The following IRX4 variants were observed in gnomAD, a reference collection of about 807,000 sequenced individuals.
IRX4 encodes iroquois-class homeodomain protein IRX-4.
Under a neutral mutation model 32.0 loss-of-function variants are expected in IRX4, and 22 were observed. That is an observed-to-expected ratio of 0.69 (90% CI 0.49 to 0.98). IRX4 has a LOEUF of 0.98. Ranked by LOEUF, IRX4 falls within the 50% of genes least tolerant of loss-of-function variation. The pLI is 0.00. For missense variants in IRX4, 840 were observed against 744.2 expected (o/e 1.13, Z -1.50); for synonymous variants, 379 against 351.7 (o/e 1.08, Z -0.87).
intron 3 of IRX4, 73 bp from the exon 4 acceptor site, chr5:1,879,905 G>A (rs1318665232): frequency 6.3e-7 from 1 of 1,590,578 alleles, no homozygotes; most frequent in Non-Finnish European, 8.5e-7. Flanking sequence ...AGGGGTGGGG[G>A]TCGGCCAGGG....
chr5:1,884,740 T>C (rs990035263), upstream of IRX4: 2 of 152,370 alleles, frequency 1.3e-5, no homozygotes, highest in Admixed American at 6.5e-5. Flanking sequence ...CTGTAAATAA[T>C]AAGAAACTAG....
rs759651027 is a variant in IRX4, at chr5:1,878,161, G to A, written c.1368C>T (p.Ala456=). ...GGAGGGCGCCCTTGGCGGTGGCCCAGGCCTGGTTCAAAGTGCTGTGCCTGA... is the reference window on the plus strand; with the variant it reads ...GGAGGGCGCCCTTGGCGGTGGCCCAAGCCTGGTTCAAAGTGCTGTGCCTGA... The part of the protein sequence containing the change: ...PILRHSTLNQ[A]WATAKGALLD... The change falls in exon 5 of 5, where the codon GCC becomes GCT. Residue 456 remains alanine (A), a synonymous_variant. Transcript: ENST00000231357. 55 of 1,572,284 alleles carry A rather than the reference G, an allele frequency of 3.5e-5. No homozygotes were observed. The highest frequency in any genetic ancestry group is 4.2e-5 in the Non-Finnish European group (49 of 1,162,698).
upstream of IRX4, among the ~76,000 whole-genome samples, chr5:1,883,580 C>T (rs2232370): frequency 2.7e-4 from 41 of 152,224 alleles, no homozygotes; most frequent in Non-Finnish European, 4.9e-4. Context: ...AGTTGGAGCC[C>T]GACACCCTGA....
chr5:1,882,837 C>T lies in IRX4; in HGVS notation c.-190G>A. ...GTAACAAAGTGAGCAGCGGTGGCCG[C>T]CGCGATTCCTTTAACTTCGCATTCC... On this transcript the variant is annotated 5_prime_UTR_variant, in exon 1 of 5. Transcript: ENST00000231357. The T allele has an allele frequency of 2.5e-6, 1 of 403,322 alleles. No homozygotes were observed. The highest frequency in any genetic ancestry group is 4.4e-6 in the Non-Finnish European group (1 of 225,762). 25.0% of individuals were successfully genotyped at this position (403,322 alleles called of 1,614,324 possible).
chr5:1,887,175 C>A (rs1258527152), upstream of IRX4: 1 of 151,836 alleles, frequency 6.6e-6, no homozygotes, highest in Non-Finnish European at 1.5e-5. Flanking sequence ...CCAGGCGGAG[C>A]ACCTGGCGAG....
intron 4 of IRX4, among the ~76,000 whole-genome samples, chr5:1,879,116 C>A (rs530808126): frequency 2.2e-4 from 33 of 152,104 alleles, no homozygotes; most frequent in African/African-American, 7.2e-4. Flanking sequence ...CTCAGCCTCC[C>A]GAGTAGCTGG....
upstream of IRX4, among the ~76,000 whole-genome samples, chr5:1,885,483 C>T (rs1735599733): frequency 6.6e-6 from 1 of 152,200 alleles, no homozygotes. Flanking sequence ...CCCAGGCCGC[C>T]GCACACACAC....
chr5:1,879,945 C>G (rs1735371857), intron 3 of IRX4, 113 bp from the exon 4 acceptor site: 1 of 1,527,060 alleles, frequency 6.5e-7, no homozygotes, highest in East Asian at 2.4e-5. Context: ...GCTTCCCCGT[C>G]GTGGGGTTGT....
In IRX4 at chr5:1,878,128, G is replaced by A; in HGVS notation, c.1401C>T (p.Pro467=). The change falls in exon 5 of 5, where the codon CCC becomes CCT. Residue 467 remains proline (P), a synonymous_variant. Transcript: ENST00000231357. Reference sequence around the variant, plus strand: ...CCCCCAGCGAGCGTCCCAGAGGCCCGGGGTCCAGGAGGGCGCCCTTGGCGG... The same window carrying A: ...CCCCCAGCGAGCGTCCCAGAGGCCCAGGGTCCAGGAGGGCGCCCTTGGCGG... ...WATAKGALLD[P]GPLGRSLGAG... is the part of the protein sequence containing the mutation. 1 of 1,548,560 alleles carries A rather than the reference G, an allele frequency of 6.5e-7. No homozygotes were observed. The highest frequency in any genetic ancestry group is 8.7e-7 in the Non-Finnish European group (1 of 1,152,480).
Position 1,880,831 on chromosome 5 carries a change from T to G in IRX4, c.301A>C (p.Ser101Arg). The change falls in exon 3 of 5, where the codon AGC (serine) becomes CGC (arginine). Residue 101 changes from serine to arginine, a missense_variant. Physicochemically the swap from Ser to Arg is moderately radical, Grantham distance 110 (BLOSUM62 -1). Transcript: ENST00000231357. ...SEASAFYSLN[S>R]FDSKDGSGSA... Reference sequence around the variant, plus strand: ...CCCGAACCATCCTTGGAATCAAAGCTGTTCTGTGGGAGCCAAGAGTCTGGG... The same window carrying G: ...CCCGAACCATCCTTGGAATCAAAGCGGTTCTGTGGGAGCCAAGAGTCTGGG... 6.2e-7 allele frequency: 1 copy of G among 1,613,116 alleles called. No homozygotes were observed. Among genetic ancestry groups the G allele is most frequent in the Non-Finnish European group, 8.5e-7 (1 of 1,179,522 alleles).
chr5:1,878,835 A>G, intron 4 of IRX4, 43 bp from the exon 5 acceptor site: 1 of 1,592,836 alleles, frequency 6.3e-7, no homozygotes, highest in South Asian at 1.1e-5. Context: ...GAGGGTTGGT[A>G]GGTGAATCAG....
At chr5:1,883,080 C>T (rs1735512541), upstream of IRX4, among the ~76,000 whole-genome samples, 1 of 152,090 alleles carries the variant, frequency 6.6e-6, no homozygotes, top group Non-Finnish European at 1.5e-5. Context: ...CCGGGAGGGG[C>T]CAGGACAGTC....
In IRX4 at chr5:1,877,856, T is replaced by G; in HGVS notation, c.*113A>C. 1.8e-5 allele frequency: 17 copies of G among 960,664 alleles called. No homozygotes were observed. The highest frequency in any genetic ancestry group is 2.3e-5 in the Non-Finnish European group (15 of 660,970). The allele number at this position is 960,664 out of a possible 1,614,324, so 59.5% of individuals were successfully genotyped here. On this transcript the variant is annotated 3_prime_UTR_variant, in exon 5 of 5. Coordinates refer to ENST00000231357, the MANE Select transcript of IRX4 (RefSeq NM_016358.3). ...CCAAGTTCAGAAGCCCCCTCTCCGG[T>G]GGGTTGGCGGCTTCGCGGTGGCCGC...
chr5:1,884,820 C>T (rs1735576478), upstream of IRX4, among the ~76,000 whole-genome samples: 1 of 151,578 alleles, frequency 6.6e-6, no homozygotes, highest in African/African-American at 2.4e-5. Context: ...TCCCCTCCCC[C>T]ACCCTCCTTC....
At chr5:1,881,330 G>A (rs1735429104) in intron 2 of IRX4, among the ~76,000 whole-genome samples, 1 of 122,006 alleles carries the variant, frequency 8.2e-6, no homozygotes, top group African/African-American at 3.1e-5. Flanking sequence ...GGGGGGAGGA[G>A]CAAGGGTGGG....
At chr5:1,882,321 C>T (rs1052675311) in intron 1 of IRX4, among the ~76,000 whole-genome samples, 6 of 152,312 alleles carry the variant, frequency 3.9e-5, no homozygotes, top group Non-Finnish European at 8.8e-5. Flanking sequence ...AGCCTCCTTC[C>T]CCAGGGGTTC....
intron 3 of IRX4, chr5:1,880,181 C>T (rs756779907): frequency 6.7e-7 from 1 of 1,486,350 alleles, no homozygotes; most frequent in Non-Finnish European, 9.1e-7. Context: ...TAAGCCCACA[C>T]CCTGAGATGT....
At chr5:1,887,126 G>T (rs531859058), upstream of IRX4, 4 of 151,706 alleles carry the variant, frequency 2.6e-5, no homozygotes, top group South Asian at 8.3e-4. Flanking sequence ...CGGCGCGCGC[G>T]CTCCAGCGGG....
upstream of IRX4, among the ~76,000 whole-genome samples, chr5:1,884,809 C>A (rs539580619): frequency 1.1e-4 from 16 of 152,094 alleles, no homozygotes; most frequent in South Asian, 2.9e-3. Context: ...CCTCCTGCTC[C>A]TCCCCTCCCC....
Sources: gnomAD v4.1 joint callset for allele counts (sites outside exome capture counted in the v4.1 genomes callset) on GRCh38, gnomAD v4.1.1 for gene constraint, MANE v1.5 for transcripts, NCBI Gene and HGNC (gene_info 2026-07-23, HGNC 2026-07-21) for gene names.